The following RNF216 variants were observed in gnomAD, a reference collection of about 807,000 sequenced individuals.
RNF216 encodes ring finger protein 216.
A neutral mutation model predicts 110.8 loss-of-function variants in RNF216; 72 were observed. The ratio of observed to expected loss-of-function variants is 0.65; its 90% CI spans 0.54 to 0.79. The LOEUF is 0.79. RNF216 is among the 30% of genes least tolerant of loss of function. The pLI is 0.00. For missense variants in RNF216, 1,342 were observed against 1,141.2 expected (o/e 1.18, Z -2.54); for synonymous variants, 495 against 407.5 (o/e 1.21, Z -2.59).
intron 1 of RNF216, chr7:5,779,925 G>A (rs576691905): frequency 4.6e-5 from 7 of 151,646 alleles, no homozygotes; most frequent in Non-Finnish European, 8.8e-5. Flanking sequence ...CTGTTTCCGA[G>A]GGACGCGGAT....
chr7:5,752,739 G>A, intron 3 of RNF216, 107 bp downstream of exon 3: 12 of 1,096,764 alleles, frequency 1.1e-5, no homozygotes, highest in Non-Finnish European at 1.6e-5. Flanking sequence ...GCTGTTCTCA[G>A]AACGAGTACA....
At chr7:5,645,753 G>C (rs2128571287) in intron 14 of RNF216, among the ~76,000 whole-genome samples, 1 of 152,230 alleles carries the variant, frequency 6.6e-6, no homozygotes, top group East Asian at 1.9e-4. Context: ...ACCACATCCA[G>C]CTAATTTTTG....
intron 15 of RNF216, among the ~76,000 whole-genome samples, chr7:5,639,032 C>T (rs1787572447): frequency 6.6e-6 from 1 of 152,160 alleles, no homozygotes; most frequent in Non-Finnish European, 1.5e-5. Flanking sequence ...TAACATCTTC[C>T]TCCACAGACA....
chr7:5,752,984 A>C lies in RNF216; in HGVS notation c.68-5T>G, dbSNP rs567187042. 1.2e-5 allele frequency: 19 copies of C among 1,606,408 alleles called. No homozygotes were observed. The highest frequency in any genetic ancestry group is 2.7e-5 in the African/African-American group (2 of 74,740). ...CATCTCGGAGATTGATCCACTCTAC[A>C]GGAAAGCAGAGAACACTGTTACTGG... On this transcript the variant is annotated splice_region_variant and splice_polypyrimidine_tract_variant and intron_variant, in intron 2 of 16. Transcript: ENST00000389902.
Position 5,741,742 on chromosome 7 carries a change from C to T in RNF216, c.275G>A (p.Gly92Glu). 6.2e-7 allele frequency: 1 copy of T among 1,614,190 alleles called. No individual in the cohort carries two copies. The highest frequency in any genetic ancestry group is 8.5e-7 in the Non-Finnish European group (1 of 1,180,048). Residue 92 changes from glycine (G) to glutamate (E), a missense_variant, in exon 4 of 17, where the codon GGA (glycine) becomes GAA (glutamate). By Grantham distance (98) the Gly-to-Glu change is moderately conservative. Coordinates refer to ENST00000389902, the MANE Select transcript of RNF216 (RefSeq NM_207111.4). ...TCTAGACTTTTTAGGCCTTTCTTCTCCCAACCTTTTCAGATCTTGCCACTG... is the reference window on the plus strand; with the variant it reads ...TCTAGACTTTTTAGGCCTTTCTTCTTCCAACCTTTTCAGATCTTGCCACTG... ...AAQWQDLKRL[G>E]EERPKKSRAA...
In RNF216 at chr7:5,711,784, A is replaced by G; in HGVS notation, c.2038T>C (p.Cys680Arg). ...ACCTTTCGGCAGTGAGGATTAGGAC[A>G]GCTGAACCTCTTCACATCACTGTCC... is the stretch of plus-strand genomic sequence containing the variant. Reference protein sequence around the residue: ...LLDSDVKRFSCPNPHCRKETC... With the variant: ...LLDSDVKRFSRPNPHCRKETC... Residue 680 changes from cysteine (C) to arginine (R), a missense_variant, in exon 13 of 17, where the codon TGT becomes CGT. Coordinates refer to ENST00000389902, the MANE Select transcript of RNF216 (RefSeq NM_207111.4). 6.2e-7 allele frequency: 1 copy of G among 1,613,872 alleles called. No homozygotes were observed. The highest frequency in any genetic ancestry group is 8.5e-7 in the Non-Finnish European group (1 of 1,179,914).
At chr7:5,739,209 A>T in intron 5 of RNF216, 67 bp downstream of exon 5, 1 of 1,429,210 alleles carries the variant, frequency 7.0e-7, no homozygotes, top group Non-Finnish European at 9.2e-7. Flanking sequence ...TAAAATGGTA[A>T]ATTTTTTATT....
At chr7:5,748,657 C>CAT (rs1229293813) in intron 3 of RNF216, among the ~76,000 whole-genome samples, 1 of 131,450 alleles carries the variant, frequency 7.6e-6, no homozygotes, top group African/African-American at 2.8e-5. Flanking sequence ...CACACACACA[C>CAT]ATAATATACT....
At chr7:5,672,460 C>A (rs748472606) in intron 13 of RNF216, among the ~76,000 whole-genome samples, 7 of 152,188 alleles carry the variant, frequency 4.6e-5, no homozygotes, top group Non-Finnish European at 8.8e-5. Context: ...AAACTACACA[C>A]ACATGATGTA....
chr7:5,688,999 G>A (rs989743405), intron 13 of RNF216, among the ~76,000 whole-genome samples: 1 of 152,164 alleles, frequency 6.6e-6, no homozygotes, highest in Non-Finnish European at 1.5e-5. Context: ...TCTTCAAGTG[G>A]ATCTGAGAAG....
At chr7:5,657,173 C>G (rs959309424) in intron 13 of RNF216, among the ~76,000 whole-genome samples, 1 of 152,250 alleles carries the variant, frequency 6.6e-6, no homozygotes, top group African/African-American at 2.4e-5. Context: ...AACTCACTCT[C>G]TAGGGGGAGA....
chr7:5,713,907 T>C (rs1481765462), intron 11 of RNF216, among the ~76,000 whole-genome samples: 1 of 152,212 alleles, frequency 6.6e-6, no homozygotes, highest in Non-Finnish European at 1.5e-5. Context: ...GGAATTTAAA[T>C]TGCTCAAGAT....
intron 4 of RNF216, 95 bp from the exon 5 acceptor site, chr7:5,739,447 T>G (rs1439750527): frequency 8.1e-7 from 1 of 1,240,390 alleles, no homozygotes; most frequent in Non-Finnish European, 1.2e-6. Flanking sequence ...ATAAAATGAC[T>G]AAAGACTAGA....
At chr7:5,695,514 T>C (rs1023609860) in intron 13 of RNF216, among the ~76,000 whole-genome samples, 25 of 152,098 alleles carry the variant, frequency 1.6e-4, no homozygotes, top group African/African-American at 5.6e-4. Flanking sequence ...CTGCTGAGAG[T>C]GCCTCTCCCT....
intron 13 of RNF216, among the ~76,000 whole-genome samples, chr7:5,662,214 G>C (rs747555044): frequency 1.3e-5 from 2 of 152,216 alleles, no homozygotes; most frequent in Non-Finnish European, 2.9e-5. Flanking sequence ...TACTGGTAAC[G>C]ATAGGAACCT....
At chr7:5,688,246 G>C (rs566319382) in intron 13 of RNF216, among the ~76,000 whole-genome samples, 1 of 152,172 alleles carries the variant, frequency 6.6e-6, no homozygotes, top group Non-Finnish European at 1.5e-5. Context: ...AGAGTAGAAA[G>C]CTGTTAAAAT....
chr7:5,657,295 C>T (rs1379673579), intron 13 of RNF216, among the ~76,000 whole-genome samples: 6 of 152,212 alleles, frequency 3.9e-5, no homozygotes, highest in African/African-American at 1.4e-4. Flanking sequence ...GGGCCGGGTG[C>T]AGTGGCTCAC....
chr7:5,658,654 C>CAAAAAAAA (rs753036691), intron 13 of RNF216, among the ~76,000 whole-genome samples: 1 of 74,882 alleles, frequency 1.3e-5, no homozygotes, highest in Non-Finnish European at 3.1e-5. Flanking sequence ...GAGACTGTCT[C>CAAAAAAAA]AAAAAAAAAA....
rs144988882 is a variant in RNF216 at position 5,653,685 on chromosome 7, T to C, written c.2062-1175A>G. Among the ~76,000 whole-genome samples, 166 of 144,148 alleles carry C rather than the reference T, an allele frequency of 1.2e-3. 13 individuals carry two copies. Among genetic ancestry groups the C allele is most frequent in the East Asian group, 2.1e-4 (1 of 4,776 alleles). The allele number at this position is 144,148 out of a possible 152,430, so 94.6% of individuals were successfully genotyped here. A position where few individuals can be genotyped will look rare whatever the true frequency, so the allele number is the denominator to read the frequency against. Reference sequence around the variant, plus strand: ...CATTAAATGGAAATTATAACCCTAATAGGTTACAGTGAAGGAAAACATAGT... The same window carrying C: ...CATTAAATGGAAATTATAACCCTAACAGGTTACAGTGAAGGAAAACATAGT... On this transcript the variant is annotated intron_variant, in intron 13 of 16. Transcript: ENST00000389902.
Sources: allele counts gnomAD v4.1 joint callset (sites outside exome capture counted in the v4.1 genomes callset), GRCh38; gene constraint gnomAD v4.1.1; transcripts MANE v1.5; gene names NCBI Gene and HGNC (gene_info 2026-07-23, HGNC 2026-07-21).